Variants in CFAP20DC observed in about 807,000 individuals in gnomAD.
The protein encoded by CFAP20DC is protein CFAP20DC.
CFAP20DC carries 84 observed loss-of-function variants against 101.7 expected under a neutral mutation model. The ratio of observed to expected loss-of-function variants is 0.83; its 90% CI spans 0.69 to 0.99. The LOEUF (loss-of-function observed/expected upper bound fraction) is 0.99. Among genes scored for constraint, CFAP20DC ranks in the 50% least tolerant of loss-of-function variants. The pLI, the probability that CFAP20DC is intolerant of heterozygous loss-of-function variation, is 0.00. For missense variants in CFAP20DC, 1,007 were observed against 970.3 expected, an observed-to-expected ratio of 1.04 and a Z score of -0.50; for synonymous variants, 359 against 351.2, an observed-to-expected ratio of 1.02 and a Z score of -0.25.
intron 1 of CFAP20DC, among the ~76,000 whole-genome samples, chr3:59,047,801 T>G (rs1464451218): frequency 2.6e-5 from 4 of 152,136 alleles, no homozygotes; most frequent in Non-Finnish European, 4.4e-5. Flanking sequence ...ACATTAAACC[T>G]TGAGCATAAT....
At chr3:58,911,647 A>T (rs1378222950) in intron 6 of CFAP20DC, among the ~76,000 whole-genome samples, 1 of 152,166 alleles carries the variant, frequency 6.6e-6, no homozygotes, top group Non-Finnish European at 1.5e-5. Context: ...ATGTTTATTG[A>T]AGTAAAATAA....
At chr3:58,808,110 G>C (rs1378205859) in intron 14 of CFAP20DC, among the ~76,000 whole-genome samples, 2 of 152,204 alleles carry the variant, frequency 1.3e-5, no homozygotes, top group Non-Finnish European at 2.9e-5. Context: ...AAAGTGACAG[G>C]GAGAATGGAA....
Position 58,742,427 on chromosome 3 carries a change from G to T in CFAP20DC, c.*33C>A. The T allele has an allele frequency of 6.4e-7, 1 of 1,569,082 alleles. No homozygotes were observed. ...CCTGAACTGCTATTCTGCTCCAGCT[G>T]GGAGTGCCTGCTCTCTGCCCCGGAA... On this transcript the variant is annotated 3_prime_UTR_variant, in exon 17 of 17. Transcript: ENST00000482387.
rs562856079 is a variant in CFAP20DC, at chr3:58,732,258, T to C, written c.198-14630A>G. ...AAAAGAGGACAATTTCTCATTGATA[T>C]AGAAACTGATGGTATTTGTCAAATT... On this transcript the variant is annotated intron_variant, in intron 3 of 3. Transcript: ENST00000486145. The surrounding 1 kb of genome is among the most constrained non-coding windows in gnomAD (Gnocchi z 5.4). Among the ~76,000 whole-genome samples, 4 of 152,312 alleles carry C rather than the reference T, an allele frequency of 2.6e-5. No individual in the cohort carries two copies. Among genetic ancestry groups the C allele is most frequent in the South Asian group, 4.1e-4 (2 of 4,826 alleles).
In CFAP20DC at chr3:58,970,522, C is replaced by T. The variant is rs370672439; in HGVS notation, c.279-32760G>A. On this transcript the variant is annotated intron_variant, in intron 4 of 16. Transcript: ENST00000482387. ...TCTCCCTCAGTGCCTCCAGAAGGAA[C>T]CAATCCTGCCGAAACCTTGATTTTG... is the stretch of plus-strand genomic sequence containing the variant. 4 of 152,256 alleles carry T rather than the reference C, an allele frequency of 2.6e-5. 1 individual carries two copies. Among genetic ancestry groups the T allele is most frequent in the Middle Eastern group, 6.8e-3 (2 of 296 alleles). 9.4% of individuals were successfully genotyped at this position (152,256 alleles called of 1,614,324 possible). A position where few individuals can be genotyped will look rare whatever the true frequency, so the allele number is the denominator to read the frequency against.
At chr3:59,028,730 A>C (rs746813135) in intron 4 of CFAP20DC, among the ~76,000 whole-genome samples, 1 of 152,316 alleles carries the variant, frequency 6.6e-6, no homozygotes, top group South Asian at 2.1e-4. Context: ...CAGAGGTAAT[A>C]ATTATGCCTA....
At chr3:58,747,324 T>G (rs1451222089) in intron 16 of CFAP20DC, among the ~76,000 whole-genome samples, 3 of 152,202 alleles carry the variant, frequency 2.0e-5, no homozygotes, top group African/African-American at 7.2e-5. Context: ...GGGCTGCCCT[T>G]CTCTGGGTAG....
At chr3:58,833,975 T>G (rs977068060) in intron 13 of CFAP20DC, among the ~76,000 whole-genome samples, 1 of 152,172 alleles carries the variant, frequency 6.6e-6, no homozygotes, top group Admixed American at 6.6e-5. Flanking sequence ...TTACTTTATA[T>G]GAAATGTCCA....
At position 58,861,035 on chromosome 3, in the gene CFAP20DC, A is replaced by C. The variant is rs2079205412; in HGVS notation, c.1593+2523T>G. ...AAAAATTCATACTTTTGAGGCTCCA[A>C]CACTAAGATCTCAGATGTGAATTAA... On this transcript the variant is annotated intron_variant, in intron 12 of 16. Transcript: ENST00000482387. This position sits in a 1 kb window ranked among gnomAD's most constrained non-coding sequence, Gnocchi z 4.0. 6.6e-6 allele frequency among the ~76,000 whole-genome samples: 1 copy of C among 152,194 alleles called. No individual in the cohort carries two copies. The highest frequency in any genetic ancestry group is 2.1e-4 in the South Asian group (1 of 4,832).
Position 58,728,031 on chromosome 3 carries a change from G to A in CFAP20DC, c.198-10403C>T, listed in dbSNP as rs754751138. ...TGTAGTCAAACTTCATTTCAAGTGG[G>A]CCACAGGGTGCAGGTGGCAGAATGC... On this transcript the variant is annotated intron_variant, in intron 3 of 3. Transcript: ENST00000486145. The surrounding 1 kb of genome is among the most constrained non-coding windows in gnomAD (Gnocchi z 4.7). The A allele has an allele frequency of 1.3e-5, 2 of 152,206 alleles. No homozygotes were observed. The highest frequency in any genetic ancestry group is 2.9e-5 in the Non-Finnish European group (2 of 68,044). 9.4% of individuals were successfully genotyped at this position (152,206 alleles called of 1,614,324 possible). A position where few individuals can be genotyped will look rare whatever the true frequency, so the allele number is the denominator to read the frequency against.
At chr3:58,758,433 C>T (rs932275485) in intron 15 of CFAP20DC, among the ~76,000 whole-genome samples, 2 of 152,094 alleles carry the variant, frequency 1.3e-5, no homozygotes, top group African/African-American at 4.8e-5. Flanking sequence ...ACCCAGACAC[C>T]TGTGCTTCAG....
At chr3:58,962,768 C>T (rs2091246028) in intron 4 of CFAP20DC, among the ~76,000 whole-genome samples, 1 of 152,126 alleles carries the variant, frequency 6.6e-6, no homozygotes, top group African/African-American at 2.4e-5. Flanking sequence ...CTGCACAAGG[C>T]CTGTCATTTA....
chr3:59,034,119 A>G (rs1459578364), intron 4 of CFAP20DC, among the ~76,000 whole-genome samples: 2 of 152,228 alleles, frequency 1.3e-5, no homozygotes, highest in Non-Finnish European at 2.9e-5. Context: ...AAGGAGAAAT[A>G]AAATCCTCTA....
At chr3:58,736,714 G>A (rs2067765175) in intron 3 of CFAP20DC, among the ~76,000 whole-genome samples, 1 of 152,166 alleles carries the variant, frequency 6.6e-6, no homozygotes, top group Non-Finnish European at 1.5e-5. Flanking sequence ...AAGTTTATAT[G>A]CTTAAATCTT....
chr3:58,854,099 C>T (rs1456198135), intron 12 of CFAP20DC, among the ~76,000 whole-genome samples: 2 of 152,030 alleles, frequency 1.3e-5, no homozygotes, highest in African/African-American at 2.4e-5. Context: ...TTGTCTCAGC[C>T]CAAAATCTCC....
intron 15 of CFAP20DC, among the ~76,000 whole-genome samples, chr3:58,797,133 C>T (rs925156771): frequency 7.9e-5 from 12 of 152,104 alleles, no homozygotes; most frequent in African/African-American, 2.9e-4. Flanking sequence ...GGAAGAGTCA[C>T]GTGTCTCTCA....
At chr3:58,866,433 GA>G in intron 11 of CFAP20DC, 132 bp downstream of exon 11, 1 of 663,888 alleles carries the variant, frequency 1.5e-6, no homozygotes. Flanking sequence ...GGTTAAATAA[GA>G]AGATTTACAC....
rs909505568 is a variant in CFAP20DC, at chr3:58,870,072, T to A, written c.852+101A>T. 3.8e-6 allele frequency: 4 copies of A among 1,058,724 alleles called. No individual in the cohort carries two copies. In the African/African-American group the frequency reaches 6.4e-5, roughly 17 times the overall value. The allele number at this position is 1,058,724 out of a possible 1,614,324, so 65.6% of individuals were successfully genotyped here. ...CATGTAGTGTCTGTCTGTCTGTCTG[T>A]CTGTCTGTCTTTCCCTCCCTCCCTC... On this transcript the variant is annotated intron_variant, in intron 8 of 16. Coordinates refer to ENST00000482387, the MANE Select transcript of CFAP20DC (RefSeq NM_001394063.1).
intron 5 of CFAP20DC, among the ~76,000 whole-genome samples, chr3:58,936,492 C>T (rs1296460544): frequency 3.9e-5 from 6 of 152,132 alleles, no homozygotes; most frequent in East Asian, 1.9e-4. Flanking sequence ...TATTGCGGCA[C>T]TATTCACAAT....
Sources: gnomAD v4.1 joint callset for allele counts (sites outside exome capture counted in the v4.1 genomes callset) on GRCh38, gnomAD v4.1.1 for gene constraint, Gnocchi (gnomAD v3.1) non-coding constraint, MANE v1.5 for transcripts, NCBI Gene and HGNC (gene_info 2026-07-23, HGNC 2026-07-21) for gene names.